PRKD2: variants seen among roughly 807,000 people sequenced by gnomAD.
The protein encoded by PRKD2 is serine/threonine-protein kinase D2.
PRKD2 carries 22 observed loss-of-function variants against 86.0 expected under a neutral mutation model. The observed-to-expected ratio is 0.26, with a 90% CI of 0.18 to 0.37. PRKD2 has a LOEUF of 0.37. PRKD2 is among the 10% of genes least tolerant of loss of function. PRKD2 has a pLI of 1.00. For missense variants in PRKD2, 818 were observed against 1,199.2 expected (o/e 0.68, Z 4.70); for synonymous variants, 509 against 510.9 (o/e 1.00, Z 0.05).
intron 15 of PRKD2, among the ~76,000 whole-genome samples, chr19:46,681,004 A>G (rs2053297276): frequency 7.5e-6 from 1 of 133,806 alleles, no homozygotes; most frequent in Non-Finnish European, 1.5e-5. Context: ...CCCAGGCTGG[A>G]GTGCAGTGGC....
rs781782443 is a variant in PRKD2 at position 46,700,898 on chromosome 19, A to G, written c.1022T>C (p.Met341Thr). 2 of 1,614,124 alleles carry G rather than the reference A, an allele frequency of 1.2e-6. No homozygotes were observed. The highest frequency in any genetic ancestry group is 1.7e-6 in the Non-Finnish European group (2 of 1,180,054). ...GACACCGGAGTCCTCTGACTCATCC[A>G]TGAGGGCGCTCTTGTCAGCCTCGCT... ...DFSEADKSAL[M>T]DESEDSGVIP... Residue 341 changes from methionine to threonine, a missense_variant, in exon 7 of 18, where the codon ATG (methionine) becomes ACG (threonine). Transcript: ENST00000291281.
chr19:46,714,107 C>G, intron 1 of PRKD2, 106 bp from the exon 2 acceptor site: 1 of 1,463,348 alleles, frequency 6.8e-7, no homozygotes, highest in South Asian at 1.4e-5. Flanking sequence ...CCCCCGGAAA[C>G]GCAGAGACCC....
rs1420279387 is a variant in PRKD2 at position 46,682,981 on chromosome 19, C to T, written c.1972-1233G>A. 4.0e-5 allele frequency among the ~76,000 whole-genome samples: 6 copies of T among 151,668 alleles called. No homozygotes were observed. In the South Asian group the frequency reaches 6.2e-4, roughly 16 times the overall value. ...CCTCCCAAAGTGCTTGGATAACAGG[C>T]GTGAGCCACCCCACCTCACCCATTT... On this transcript the variant is annotated intron_variant, in intron 14 of 17. Transcript: ENST00000291281.
At chr19:46,715,316 T>C (rs2053868079) in intron 1 of PRKD2, among the ~76,000 whole-genome samples, 1 of 152,178 alleles carries the variant, frequency 6.6e-6, no homozygotes, top group Non-Finnish European at 1.5e-5. Flanking sequence ...AGCATTTTAA[T>C]GTTTTACTAT....
rs2053582316 is a variant in PRKD2, at chr19:46,697,771, C to T, written c.1201G>A (p.Glu401Lys). ...TTRKSSTTLR[E>K]GWVVHYSNKD... ...TTGCTGTAATGAACCACCCAACCCT[C>T]CCGCAGCGTGGTGCTGGATTTCCGC... is the stretch of plus-strand genomic sequence containing the variant. Residue 401 changes from glutamate (E) to lysine (K), a missense_variant, in exon 8 of 18, where the codon GAG (glutamate) becomes AAG (lysine). Physicochemically the swap from Glu to Lys is moderately conservative, Grantham distance 56. Around this residue, in one of 5 missense-constraint regions of PRKD2, gnomAD observed 127 missense variants for 157.8 expected, o/e 0.80. Coordinates refer to ENST00000291281, the MANE Select transcript of PRKD2 (RefSeq NM_016457.5). 2 of 1,614,132 alleles carry T rather than the reference C, an allele frequency of 1.2e-6. No homozygotes were observed. The highest frequency in any genetic ancestry group is 1.7e-6 in the Non-Finnish European group (2 of 1,180,016).
chr19:46,683,667 G>A (rs1265344195), intron 14 of PRKD2, among the ~76,000 whole-genome samples: 8 of 151,964 alleles, frequency 5.3e-5, no homozygotes, highest in Admixed American at 1.3e-4. Flanking sequence ...GCAGTGAGTC[G>A]ACATCGCGCC....
chr19:46,689,395 A>G (rs2053450625), intron 14 of PRKD2, 142 bp downstream of exon 14: 2 of 1,036,192 alleles, frequency 1.9e-6, no homozygotes, highest in East Asian at 5.3e-5. Flanking sequence ...GGTGTGAGCC[A>G]CTGCGCCCAG....
rs770816078 is a variant in PRKD2 at position 46,693,997 on chromosome 19, G to A, written c.1454C>T (p.Thr485Ile). 1.4e-5 allele frequency: 23 copies of A among 1,613,828 alleles called. No homozygotes were observed. Among genetic ancestry groups the A allele is most frequent in the Non-Finnish European group, 1.9e-5 (23 of 1,180,020 alleles). ...TYFVGEMPGG[T>I]PGGPSGQGAE... Reference sequence around the variant, plus strand: ...CCCCTGCCCACTTGGCCCACCCGGAGTCCCGCCAGGCATCTCGCCCACGAA... The same window carrying A: ...CCCCTGCCCACTTGGCCCACCCGGAATCCCGCCAGGCATCTCGCCCACGAA... Residue 485 changes from threonine to isoleucine, a missense_variant, in exon 10 of 18, where the codon ACT (threonine) becomes ATT (isoleucine). By Grantham distance (89) the Thr-to-Ile change is moderately conservative. Coordinates refer to ENST00000291281, the MANE Select transcript of PRKD2 (RefSeq NM_016457.5). This position sits in a 1 kb window ranked among gnomAD's most constrained non-coding sequence, Gnocchi z 4.5.
intron 9 of PRKD2, among the ~76,000 whole-genome samples, chr19:46,695,883 G>A (rs377541079): frequency 5.3e-5 from 8 of 152,090 alleles, no homozygotes; most frequent in East Asian, 3.9e-4. Flanking sequence ...CTGTTGCCCA[G>A]GCAGGAGTGC....
chr19:46,689,727 C>G (rs1449224291), intron 13 of PRKD2, 29 bp from the exon 14 acceptor site: 1 of 1,612,720 alleles, frequency 6.2e-7, no homozygotes, highest in Non-Finnish European at 8.5e-7. Context: ...GGTCAGGGCC[C>G]AGGTAACCCA....
intron 1 of PRKD2, among the ~76,000 whole-genome samples, chr19:46,715,338 A>G (rs2053868341): frequency 6.6e-6 from 1 of 152,214 alleles, no homozygotes; most frequent in Admixed American, 6.5e-5. Context: ...TCACAAACCT[A>G]GAATTCTAAT....
intron 7 of PRKD2, 116 bp from the exon 8 acceptor site, chr19:46,697,966 G>T (rs939451287): frequency 2.4e-6 from 2 of 847,336 alleles, no homozygotes; most frequent in Non-Finnish European, 1.9e-6. Context: ...TGTTTGTTTG[G>T]TTTGTTTTGA....
At chr19:46,701,797 A>C (rs970501384) in intron 5 of PRKD2, among the ~76,000 whole-genome samples, 5 of 151,752 alleles carry the variant, frequency 3.3e-5, no homozygotes, top group African/African-American at 1.2e-4. Context: ...TGCTCTGTGT[A>C]TTGTAGGATG....
intron 13 of PRKD2, 97 bp from the exon 14 acceptor site, chr19:46,689,795 G>A (rs1182080711): frequency 2.1e-6 from 3 of 1,414,856 alleles, no homozygotes; most frequent in Middle Eastern, 2.1e-4. Flanking sequence ...ACAAGGAGAA[G>A]GATGTCCCTG....
intron 15 of PRKD2, among the ~76,000 whole-genome samples, chr19:46,679,426 G>A (rs1176823918): frequency 1.3e-5 from 2 of 152,210 alleles, no homozygotes; most frequent in African/African-American, 2.4e-5. Context: ...TGTATGCAAC[G>A]TGTTAGGAGC....
At chr19:46,714,325 ACT>A (rs1196082270) in intron 1 of PRKD2, 1 of 1,077,626 alleles carries the variant, frequency 9.3e-7, no homozygotes, top group Non-Finnish European at 1.1e-6. Context: ...CTGAATGAAC[ACT>A]CCCTCCCCTG....
At position 46,690,586 on chromosome 19, in the gene PRKD2, G is replaced by A. The variant is rs375262359; in HGVS notation, c.1809+14C>T. On this transcript the variant is annotated intron_variant, in intron 13 of 17. Coordinates refer to ENST00000291281, the MANE Select transcript of PRKD2 (RefSeq NM_016457.5). Reference sequence around the variant, plus strand: ...AAAGGAAGAAGCAGAAAGGGAAGGCGGCCTGGTGGTTACCTGCAGAATGGC... The same window carrying A: ...AAAGGAAGAAGCAGAAAGGGAAGGCAGCCTGGTGGTTACCTGCAGAATGGC... 123 of 1,612,574 alleles carry A rather than the reference G, an allele frequency of 7.6e-5. 1 individual carries two copies. The highest frequency in any genetic ancestry group is 4.2e-4 in the South Asian group (38 of 91,048).
chr19:46,686,339 CAT>C (rs941562387), intron 14 of PRKD2, among the ~76,000 whole-genome samples: 1 of 151,366 alleles, frequency 6.6e-6, no homozygotes, highest in African/African-American at 2.4e-5. Context: ...TCTACAAAAA[CAT>C]AAAAAAAAAT....
At position 46,713,933 on chromosome 19, in the gene PRKD2, G is replaced by A. The variant is rs767145373; in HGVS notation, c.309C>T (p.Ala103=). 86 of 1,612,920 alleles carry A rather than the reference G, an allele frequency of 5.3e-5. No homozygotes were observed. The highest frequency in any genetic ancestry group is 6.8e-5 in the Non-Finnish European group (80 of 1,179,576). Residue 103 remains alanine, a synonymous_variant, in exon 2 of 18, where the codon GCC becomes GCT. Coordinates refer to ENST00000291281, the MANE Select transcript of PRKD2 (RefSeq NM_016457.5). ...ACGAGCGCACCAGCTGCAGGAGGTT[G>A]GCCGACGTGGGGTCATGTTTGAAAA... The part of the protein sequence containing the change: ...ILLFKHDPTS[A]NLLQLVRSSG...
Sources: gnomAD v4.1 joint callset for allele counts (sites outside exome capture counted in the v4.1 genomes callset) on GRCh38, gnomAD v4.1.1 for gene constraint, gnomAD v4.1.1 regional missense constraint, Gnocchi (gnomAD v3.1) non-coding constraint, MANE v1.5 for transcripts, NCBI Gene and HGNC (gene_info 2026-07-23, HGNC 2026-07-21) for gene names.